Variants in ZFYVE16 observed in about 807,000 individuals in gnomAD.
The protein encoded by ZFYVE16 is zinc finger FYVE domain-containing protein 16.
In ZFYVE16, 89 loss-of-function variants were observed where a neutral mutation model predicts 138.1. The observed-to-expected ratio is 0.64, with a 90% CI of 0.54 to 0.77. The LOEUF (loss-of-function observed/expected upper bound fraction) is 0.77, where lower values mean the gene tolerates loss of function less well. Ranked by LOEUF, ZFYVE16 falls within the 30% of genes least tolerant of loss-of-function variation. The pLI is 0.00. For synonymous variants in ZFYVE16, 596 were observed against 618.3 expected (o/e 0.96, Z 0.53); for missense variants, 1,793 against 1,786.7 (o/e 1.00, Z -0.06).
In ZFYVE16 at chr5:80,435,279, C is replaced by T. The variant is rs79004945; in HGVS notation, c.70+1062C>T. Among the ~76,000 whole-genome samples, 24 of 152,116 alleles carry T rather than the reference C, an allele frequency of 1.6e-4. 1 individual carries two copies. Among genetic ancestry groups the T allele is most frequent in the African/African-American group, 3.9e-4 (16 of 41,502 alleles). ...CGAACTCCTGGCCTTGTGATCCACC[C>T]GCCTCAGCCTCCCAAAGTGCTGGGA... On this transcript the variant is annotated intron_variant, in intron 3 of 18. Coordinates refer to ENST00000505560, the MANE Select transcript of ZFYVE16 (RefSeq NM_001284236.3).
intron 1 of ZFYVE16, among the ~76,000 whole-genome samples, chr5:80,422,745 G>T (rs1055192670): frequency 6.6e-6 from 1 of 152,112 alleles, no homozygotes; most frequent in South Asian, 2.1e-4. Context: ...GAGCCACTAC[G>T]TCCAGCCTGG....
chr5:80,409,513 CACAG>C (rs1405557389), intron 1 of ZFYVE16, among the ~76,000 whole-genome samples: 1 of 152,150 alleles, frequency 6.6e-6, no homozygotes, highest in African/African-American at 2.4e-5. Flanking sequence ...ATTTAAAAAT[CACAG>C]ACTCATGTAT....
Position 80,438,166 on chromosome 5 carries a change from A to T in ZFYVE16, c.1481A>T (p.Asp494Val). The change falls in exon 4 of 19, where the codon GAT becomes GTT. Residue 494 changes from aspartate (D) to valine (V), a missense_variant. Physicochemically the swap from Asp to Val is radical, Grantham distance 152. Coordinates refer to ENST00000505560, the MANE Select transcript of ZFYVE16 (RefSeq NM_001284236.3). ...GGCACTCATGTCCCAGAGTCTTCTG[A>T]TTGTTGTGAAGGTTTTATTAATACT... ...LSGTHVPESS[D>V]CCEGFINTFS... is the part of the protein sequence containing the mutation. 1 of 1,613,846 alleles carries T rather than the reference A, an allele frequency of 6.2e-7. No individual in the cohort carries two copies. Among genetic ancestry groups the T allele is most frequent in the Non-Finnish European group, 8.5e-7 (1 of 1,179,948 alleles).
Position 80,481,418 on chromosome 5 carries a change from G to A in ZFYVE16, c.*4041G>A, listed in dbSNP as rs918306206. Among the ~76,000 whole-genome samples the A allele has an allele frequency of 6.6e-6, 1 of 152,130 alleles. No individual in the cohort carries two copies. On this transcript the variant is annotated 3_prime_UTR_variant, in exon 19 of 19. Coordinates refer to ENST00000505560, the MANE Select transcript of ZFYVE16 (RefSeq NM_001284236.3). ...GTATGTGTGAAACTAACCAGAAGCA[G>A]CTGAGCAAAGGTTCTGAACACTGAA... is the stretch of plus-strand genomic sequence containing the variant.
intron 1 of ZFYVE16, among the ~76,000 whole-genome samples, chr5:80,419,253 T>G (rs939955498): frequency 1.3e-5 from 2 of 151,992 alleles, no homozygotes; most frequent in Non-Finnish European, 2.9e-5. Flanking sequence ...TTATTTTTTA[T>G]GTTTTGTGGA....
At chr5:80,414,540 C>T (rs1358915348) in intron 1 of ZFYVE16, among the ~76,000 whole-genome samples, 1 of 152,174 alleles carries the variant, frequency 6.6e-6, no homozygotes. Context: ...TTAACCCTCA[C>T]ATTTATGATA....
chr5:80,423,745 A>C (rs1208391162), intron 1 of ZFYVE16, among the ~76,000 whole-genome samples: 5 of 151,716 alleles, frequency 3.3e-5, no homozygotes, highest in African/African-American at 7.3e-5. Context: ...TCACCTTGTT[A>C]GCCAGAATGG....
In ZFYVE16 at chr5:80,459,780, GATAA is replaced by G. The variant is rs1290596936; in HGVS notation, c.4024+292_4024+295del. Among the ~76,000 whole-genome samples, 5 of 152,096 alleles carry G rather than the reference GATAA, an allele frequency of 3.3e-5. No individual in the cohort carries two copies. The South Asian group carries it at 6.2e-4, about 19-fold the overall frequency. On this transcript the variant is annotated intron_variant, in intron 15 of 18. Transcript: ENST00000505560. ...ACATATTGTTTATGCTTATTTAGGA[GATAA>G]ATAAAAGTGAAATCATTCTTCACAT...
At chr5:80,473,645 C>G in intron 16 of ZFYVE16, 109 bp from the exon 17 acceptor site, 1 of 660,174 alleles carries the variant, frequency 1.5e-6, no homozygotes, top group East Asian at 3.0e-5. Context: ...ATATAATTGA[C>G]ATATCTTCTT....
At chr5:80,456,818 A>G (rs1338829512) in intron 13 of ZFYVE16, 127 bp from the exon 14 acceptor site, 1 of 1,154,190 alleles carries the variant, frequency 8.7e-7, no homozygotes, top group Non-Finnish European at 1.2e-6. Context: ...TTTCCATCAC[A>G]TTCCCAGGGA....
intron 1 of ZFYVE16, among the ~76,000 whole-genome samples, chr5:80,415,807 A>T (rs150520640): frequency 0.016 from 2,459 of 152,172 alleles, 70 homozygotes; most frequent in African/African-American, 0.055. Flanking sequence ...AGCTGGGATT[A>T]CAGGCACGTG....
chr5:80,467,939 C>T (rs762114444), intron 15 of ZFYVE16, among the ~76,000 whole-genome samples: 3 of 152,002 alleles, frequency 2.0e-5, no homozygotes, highest in Non-Finnish European at 4.4e-5. Context: ...TAGAAATGAT[C>T]AAATTATAAG....
At chr5:80,447,266 C>CAAAAAAAAAAAAAAAA (rs56836828) in intron 7 of ZFYVE16, among the ~76,000 whole-genome samples, 1 of 69,288 alleles carries the variant, frequency 1.4e-5, no homozygotes, top group Non-Finnish European at 2.9e-5. Flanking sequence ...GACTCCATCT[C>CAAAAAAAAAAAAAAAA]AAAAAAAAAA....
intron 18 of ZFYVE16, among the ~76,000 whole-genome samples, chr5:80,475,842 A>C (rs143016575): frequency 7.9e-4 from 121 of 152,352 alleles, no homozygotes; most frequent in African/African-American, 2.9e-3. Context: ...TCTGAGTAGA[A>C]TTGCCAGGCC....
intron 15 of ZFYVE16, among the ~76,000 whole-genome samples, chr5:80,464,942 C>T (rs373093868): frequency 5.3e-5 from 8 of 151,914 alleles, no homozygotes; most frequent in Non-Finnish European, 7.4e-5. Context: ...TCCTGTTTAT[C>T]GTTTCCTCTC....
In ZFYVE16 at chr5:80,456,463, C is replaced by T; in HGVS notation, c.3693C>T (p.Asp1231=). The T allele has an allele frequency of 6.2e-7, 1 of 1,607,464 alleles. No homozygotes were observed. The highest frequency in any genetic ancestry group is 1.3e-5 in the African/African-American group (1 of 74,822). The change falls in exon 13 of 19, where the codon GAC becomes GAT. Residue 1231 remains aspartate, a splice_region_variant and synonymous_variant. Coordinates refer to ENST00000505560, the MANE Select transcript of ZFYVE16 (RefSeq NM_001284236.3). ...IGHTIMNLLV[D]LRNYQYTLHN... is the part of the protein sequence containing the mutation. ...GGTAATGCAATTATTCTATGTAGGACCTTCGAAATTACCAGTATACCTTGC... is the reference window on the plus strand; with the variant it reads ...GGTAATGCAATTATTCTATGTAGGATCTTCGAAATTACCAGTATACCTTGC...
At chr5:80,430,296 T>C (rs1005259128) in intron 2 of ZFYVE16, among the ~76,000 whole-genome samples, 1 of 151,670 alleles carries the variant, frequency 6.6e-6, no homozygotes, top group African/African-American at 2.4e-5. Flanking sequence ...CACTCAAAAC[T>C]GCTCAACTAC....
At chr5:80,435,477 C>CT (rs1288585678) in intron 3 of ZFYVE16, among the ~76,000 whole-genome samples, 1 of 152,174 alleles carries the variant, frequency 6.6e-6, no homozygotes, top group African/African-American at 2.4e-5. Context: ...GTGTTATTTT[C>CT]TTTAAAACGA....
rs1363770316 is a variant in ZFYVE16 at position 80,481,963 on chromosome 5, G to C, written c.*4586G>C. ...GCCTCCTGAGTAGCTGTGACTACAG[G>C]TGTGTACCACCACGCCTAGATAATT... is the stretch of plus-strand genomic sequence containing the variant. On this transcript the variant is annotated 3_prime_UTR_variant, in exon 19 of 19. Coordinates refer to ENST00000505560, the MANE Select transcript of ZFYVE16 (RefSeq NM_001284236.3). Among the ~76,000 whole-genome samples the C allele has an allele frequency of 6.6e-6, 1 of 152,134 alleles. No individual in the cohort carries two copies. The highest frequency in any genetic ancestry group is 1.5e-5 in the Non-Finnish European group (1 of 68,028).
Sources: allele counts gnomAD v4.1 joint callset (sites outside exome capture counted in the v4.1 genomes callset), GRCh38; gene constraint gnomAD v4.1.1; transcripts MANE v1.5; gene names NCBI Gene and HGNC (gene_info 2026-07-23, HGNC 2026-07-21).